The following RYR1 variants were observed in gnomAD, a reference collection of about 807,000 sequenced individuals.
RYR1 encodes central core disease of muscle.
In RYR1, 342 loss-of-function variants were observed where a neutral mutation model predicts 583.5. That is an observed-to-expected ratio of 0.59 (90% CI 0.54 to 0.64). The LOEUF is 0.64. RYR1 is among the 30% of genes least tolerant of loss of function. RYR1 has a pLI of 0.00. For synonymous variants in RYR1, 2,791 were observed against 2,822.5 expected (o/e 0.99, Z 0.35); for missense variants, 6,032 against 6,917.2 (o/e 0.87, Z 4.54).
rs111888148 is a variant in RYR1 at position 38,455,463 on chromosome 19, G to A, written c.1589G>A (p.Arg530His). 2.9e-5 allele frequency: 47 copies of A among 1,613,974 alleles called. No individual in the cohort carries two copies. The highest frequency in any genetic ancestry group is 1.6e-4 in the Middle Eastern group (1 of 6,084). The part of the protein sequence containing the change: ...LLYELLASLI[R>H]GNRSNCALFS... ...CTTCCCCCCTCAGCTTCTCTAATCCGTGGCAATCGTAGCAACTGTGCCCTC... is the reference window on the plus strand; with the variant it reads ...CTTCCCCCCTCAGCTTCTCTAATCCATGGCAATCGTAGCAACTGTGCCCTC... Residue 530 changes from arginine (R) to histidine (H), a missense_variant, in exon 15 of 106, where the codon CGT becomes CAT. Transcript: ENST00000359596.
At chr19:38,439,090 G>C (rs1196509739) in intron 1 of RYR1, among the ~76,000 whole-genome samples, 1 of 152,180 alleles carries the variant, frequency 6.6e-6, no homozygotes, top group Non-Finnish European at 1.5e-5. Context: ...GCCCATGGCA[G>C]ATGCTCAACC....
intron 49 of RYR1, among the ~76,000 whole-genome samples, chr19:38,503,879 ATAAGCACAGATTGC>A (rs1260197578): frequency 3.9e-5 from 6 of 152,160 alleles, no homozygotes; most frequent in African/African-American, 1.4e-4. Context: ...GTTAATTTAC[ATAAGCACAGATTGC>A]TGCATCCATA....
At chr19:38,467,917 T>G in intron 25 of RYR1, 105 bp downstream of exon 25, 1 of 994,858 alleles carries the variant, frequency 1.0e-6, no homozygotes, top group Non-Finnish European at 1.5e-6. Flanking sequence ...CCCCACTTCA[T>G]GCATCTACTG....
intron 70 of RYR1, among the ~76,000 whole-genome samples, chr19:38,524,199 A>AG (rs1204939111): frequency 1.3e-5 from 2 of 148,338 alleles, no homozygotes; most frequent in Admixed American, 6.7e-5. Context: ...AAAAAAAAAA[A>AG]AAAAGAAAAA....
rs142422765 is a variant in RYR1, at chr19:38,500,014, C to G, written c.7321C>G (p.His2441Asp). ...DLLGRCAPEM[H>D]LIQAGKGEAL... The stretch of plus-strand genomic sequence containing the variant: ...GCTCGGACGCTGTGCACCAGAGATG[C>G]ATGTGAGACCCTGAGCCAGGGCAGG... Residue 2441 changes from histidine (H) to aspartate (D), a missense_variant and splice_region_variant, in exon 45 of 106, where the codon CAT (histidine) becomes GAT (aspartate). Coordinates refer to ENST00000359596, the MANE Select transcript of RYR1 (RefSeq NM_000540.3). This position sits in a 1 kb window ranked among gnomAD's most constrained non-coding sequence, Gnocchi z 5.9. 5.0e-6 allele frequency: 8 copies of G among 1,613,782 alleles called. 1 individual carries two copies. The Middle Eastern group carries it at 5.0e-4, about 100-fold the overall frequency.
chr19:38,510,077 T>C (rs1032243780), intron 58 of RYR1, among the ~76,000 whole-genome samples: 5 of 152,046 alleles, frequency 3.3e-5, no homozygotes, highest in African/African-American at 4.8e-5. Context: ...GGAAAGCACA[T>C]TGGGAGGTTG....
intron 29 of RYR1, among the ~76,000 whole-genome samples, chr19:38,475,771 A>C (rs927346259): frequency 6.6e-6 from 1 of 152,200 alleles, no homozygotes; most frequent in Non-Finnish European, 1.5e-5. Context: ...ATATAAACAC[A>C]ATACCCTCAA....
intron 76 of RYR1, among the ~76,000 whole-genome samples, chr19:38,529,347 G>A (rs529265018): frequency 6.6e-6 from 1 of 152,342 alleles, no homozygotes; most frequent in Admixed American, 6.5e-5. Flanking sequence ...AGGCTTGGTG[G>A]TGGGCACTTG....
chr19:38,561,514 A>G lies in RYR1; in HGVS notation c.12624+60A>G. 1.3e-6 allele frequency: 2 copies of G among 1,502,326 alleles called. No homozygotes were observed. The highest frequency in any genetic ancestry group is 2.4e-5 in the South Asian group (2 of 82,508). 93.1% of individuals were successfully genotyped at this position (1,502,326 alleles called of 1,614,324 possible). ...TGGGGCTTCGGGCATGCGGGTGCTCACTTCCTGCACCCTCAGACCCCACGG... is the reference window on the plus strand; with the variant it reads ...TGGGGCTTCGGGCATGCGGGTGCTCGCTTCCTGCACCCTCAGACCCCACGG... On this transcript the variant is annotated intron_variant, in intron 90 of 105. Coordinates refer to ENST00000359596, the MANE Select transcript of RYR1 (RefSeq NM_000540.3). This position sits in a 1 kb window ranked among gnomAD's most constrained non-coding sequence, Gnocchi z 4.8.
rs113579185 is a variant in RYR1, at chr19:38,565,651, C to G, written c.13317C>G (p.Ala4439=). The G allele has an allele frequency of 3.6e-6, 5 of 1,388,806 alleles. No homozygotes were observed. Among genetic ancestry groups the G allele is most frequent in the Non-Finnish European group, 4.6e-6 (5 of 1,082,318 alleles). 86.0% of individuals were successfully genotyped at this position (1,388,806 alleles called of 1,614,324 possible). ...CGGGCGGTGCCGACGGGGCGGTGGC[C>G]GTGACCGATGGGGGCCCCTTCCGGC... ...AGPGGADGAV[A]VTDGGPFRPE... is the part of the protein sequence containing the mutation. The change falls in exon 91 of 106, where the codon GCC becomes GCG. Residue 4439 remains alanine (A), a synonymous_variant. Coordinates refer to ENST00000359596, the MANE Select transcript of RYR1 (RefSeq NM_000540.3). The surrounding 1 kb of genome is among the most constrained non-coding windows in gnomAD (Gnocchi z 4.7).
intron 42 of RYR1, 151 bp downstream of exon 42, chr19:38,497,105 G>A: frequency 1.4e-6 from 1 of 704,646 alleles, no homozygotes; most frequent in Non-Finnish European, 2.6e-6. Flanking sequence ...TGCAGGGAGA[G>A]AACGGCACCC....
chr19:38,464,306 AAAAG>A, intron 22 of RYR1, among the ~76,000 whole-genome samples: 2 of 141,456 alleles, frequency 1.4e-5, no homozygotes, highest in African/African-American at 5.3e-5. Flanking sequence ...AAAAAAAAAA[AAAAG>A]AAGCAAACGG....
intron 69 of RYR1, 75 bp from the exon 70 acceptor site, chr19:38,523,840 C>T: frequency 6.2e-7 from 1 of 1,604,902 alleles, no homozygotes. Flanking sequence ...GTGCTGGCAA[C>T]TTGGAGTTGG....
chr19:38,555,446 C>CA (rs56911809), intron 89 of RYR1, among the ~76,000 whole-genome samples: 1,547 of 83,414 alleles, frequency 0.019, 11 homozygotes, highest in African/African-American at 0.035. Context: ...GACCCTGCCT[C>CA]AAAAAAAAAA....
chr19:38,505,105 CAAGA>C (rs754744746), intron 52 of RYR1, 24 bp downstream of exon 52: 35 of 1,605,922 alleles, frequency 2.2e-5, no homozygotes, highest in Non-Finnish European at 2.9e-5. Flanking sequence ...TCCTCCTATC[CAAGA>C]AACCCTCAAG....
intron 27 of RYR1, among the ~76,000 whole-genome samples, chr19:38,472,668 A>C (rs1037710670): frequency 3.3e-5 from 5 of 151,458 alleles, no homozygotes; most frequent in Non-Finnish European, 7.4e-5. Flanking sequence ...ACATGAACTC[A>C]GGAGATTGAG....
rs2145702520 is a variant in RYR1, at chr19:38,523,081, T to C, written c.10313T>C (p.Val3438Ala). Residue 3438 changes from valine to alanine, a missense_variant, in exon 68 of 106, where the codon GTG (valine) becomes GCG (alanine). Val to Ala is a moderately conservative substitution (Grantham distance 64). Around this residue, in one of 11 missense-constraint regions of RYR1, gnomAD observed 1,493 missense variants for 1,715.5 expected, o/e 0.87. Transcript: ENST00000359596. Reference sequence around the variant, plus strand: ...AGCGCGGAGGAGCTGTTCAGGATGGTGGGCGAGATCTTCATCTACTGGTCC... The same window carrying C: ...AGCGCGGAGGAGCTGTTCAGGATGGCGGGCGAGATCTTCATCTACTGGTCC... ...NPSAEELFRMVGEIFIYWSKS... is the reference protein window; with the variant it reads ...NPSAEELFRMAGEIFIYWSKS... 6.2e-7 allele frequency: 1 copy of C among 1,612,136 alleles called. No homozygotes were observed.
rs1055770571 is a variant in RYR1, at chr19:38,444,823, G to C, written c.631+146G>C. ...TATGGCTCTCACACTTAGATCTCCAGCTGACCCCAAATCCAGACCCCCAGA... is the reference window on the plus strand; with the variant it reads ...TATGGCTCTCACACTTAGATCTCCACCTGACCCCAAATCCAGACCCCCAGA... On this transcript the variant is annotated intron_variant, in intron 7 of 105. Coordinates refer to ENST00000359596, the MANE Select transcript of RYR1 (RefSeq NM_000540.3). This position sits in a 1 kb window ranked among gnomAD's most constrained non-coding sequence, Gnocchi z 5.1. The C allele has an allele frequency of 3.1e-6, 2 of 652,122 alleles. No homozygotes were observed. Among genetic ancestry groups the C allele is most frequent in the Non-Finnish European group, 5.5e-6 (2 of 362,306 alleles). The allele number at this position is 652,122 out of a possible 1,614,324, so 40.4% of individuals were successfully genotyped here.
At position 38,494,464 on chromosome 19, in the gene RYR1, C is replaced by T. The variant is rs117886618; in HGVS notation, c.6387C>T (p.Asp2129=). ...TCAGCCTCCTGCACCGGCAGTACGA[C>T]GGGCTGGGTGAGCTGCTGCGTGCCC... ...AMFSLLHRQY[D]GLGELLRALP... is the part of the protein sequence containing the mutation. The change falls in exon 39 of 106, where the codon GAC becomes GAT. Residue 2129 remains aspartate, a synonymous_variant. Coordinates refer to ENST00000359596, the MANE Select transcript of RYR1 (RefSeq NM_000540.3). 3.9e-4 allele frequency: 635 copies of T among 1,612,850 alleles called. 2 individuals are homozygous for T. In the East Asian group the frequency reaches 0.013, roughly 32 times the overall value.
Sources: allele counts gnomAD v4.1 joint callset (sites outside exome capture counted in the v4.1 genomes callset), GRCh38; gene constraint gnomAD v4.1.1; regional missense constraint gnomAD v4.1.1; non-coding constraint Gnocchi (gnomAD v3.1); transcripts MANE v1.5; gene names NCBI Gene and HGNC (gene_info 2026-07-23, HGNC 2026-07-21).